The following RB1 variants were observed in gnomAD, a reference collection of about 807,000 sequenced individuals.
RB1 encodes the protein RB transcriptional corepressor 1, also known as retinoblastoma-associated protein.
RB1 carries 18 observed loss-of-function variants against 135.4 expected under a neutral mutation model. That is an observed-to-expected ratio of 0.13 (90% confidence interval 0.09 to 0.20). The LOEUF is 0.20. Among genes scored for constraint, RB1 ranks in the 10% least tolerant of loss-of-function variants. The pLI is 1.00. For missense variants in RB1, 868 were observed against 1,110.0 expected (o/e 0.78, Z 3.10); for synonymous variants, 365 against 373.2 (o/e 0.98, Z 0.25).
At chr13:48,389,306 G>A (rs1948594495) in intron 17 of RB1, among the ~76,000 whole-genome samples, 1 of 152,050 alleles carries the variant, frequency 6.6e-6, no homozygotes, top group Admixed American at 6.6e-5. Context: ...GAAGTCACTG[G>A]TGACAGTGAC....
At chr13:48,472,705 T>C (rs2138353638) in intron 23 of RB1, among the ~76,000 whole-genome samples, 1 of 152,246 alleles carries the variant, frequency 6.6e-6, no homozygotes, top group African/African-American at 2.4e-5. Flanking sequence ...TTAGGTACTC[T>C]GGTTAATCAA....
intron 26 of RB1, among the ~76,000 whole-genome samples, chr13:48,479,487 A>G (rs951809070): frequency 1.3e-5 from 2 of 152,222 alleles, no homozygotes; most frequent in Admixed American, 1.3e-4. Context: ...GGGTACATAA[A>G]GTAGAAGTTC....
At chr13:48,393,057 A>T in intron 17 of RB1, among the ~76,000 whole-genome samples, 1 of 152,268 alleles carries the variant, frequency 6.6e-6, no homozygotes, top group East Asian at 1.9e-4. Flanking sequence ...TCTACTGAAT[A>T]TCCCATATAT....
intron 17 of RB1, among the ~76,000 whole-genome samples, chr13:48,388,048 A>G (rs1218676693): frequency 6.6e-6 from 1 of 152,134 alleles, no homozygotes; most frequent in Non-Finnish European, 1.5e-5. Flanking sequence ...TTCTTCCCTC[A>G]TTTAGTCTTA....
rs939671516 is a variant in RB1 at position 48,319,588 on chromosome 13, G to A, written c.264+12182G>A. 4.1e-6 allele frequency: 1 copy of A among 244,750 alleles called. No individual in the cohort carries two copies. Among genetic ancestry groups the A allele is most frequent in the East Asian group, 1.1e-4 (1 of 9,280 alleles). 15.2% of individuals were successfully genotyped at this position (244,750 alleles called of 1,614,324 possible). ...ACCCTGGACTTGAGGCTTCTGGGCT[G>A]CACGTTCGTCTTTGCTAACCGGGGA... On this transcript the variant is annotated intron_variant, in intron 2 of 26. Transcript: ENST00000267163. The surrounding 1 kb of genome is among the most constrained non-coding windows in gnomAD (Gnocchi z 5.0).
At position 48,404,679 on chromosome 13, in the gene RB1, A is replaced by G. The variant is rs77704300; in HGVS notation, c.1695+23236A>G. ...GTAGCTGGGATTACAGGCACGAGAC[A>G]ACGCGCCCAGATAATTTTTGTATTT... On this transcript the variant is annotated intron_variant, in intron 17 of 26. Coordinates refer to ENST00000267163, the MANE Select transcript of RB1 (RefSeq NM_000321.3). 3.2e-4 allele frequency among the ~76,000 whole-genome samples: 48 copies of G among 152,184 alleles called. No individual in the cohort carries two copies. In the East Asian group the frequency reaches 9.3e-3, roughly 30 times the overall value.
At chr13:48,325,710 G>A (rs1452933260) in intron 2 of RB1, among the ~76,000 whole-genome samples, 2 of 151,256 alleles carry the variant, frequency 1.3e-5, no homozygotes, top group African/African-American at 4.9e-5. Context: ...TATTTTTTGG[G>A]TATATCATAA....
At chr13:48,461,622 G>A (rs913877755) in intron 20 of RB1, among the ~76,000 whole-genome samples, 11 of 151,770 alleles carry the variant, frequency 7.2e-5, no homozygotes, top group Non-Finnish European at 1.6e-4. Flanking sequence ...TAATGTATGA[G>A]GTTCTAATTT....
chr13:48,424,563 T>C (rs1044125628), intron 17 of RB1, among the ~76,000 whole-genome samples: 5 of 151,714 alleles, frequency 3.3e-5, no homozygotes, highest in African/African-American at 1.2e-4. Flanking sequence ...AATAAGCATA[T>C]TTATCTGTGC....
Position 48,379,724 on chromosome 13 carries a change from G to A in RB1, c.1389+74G>A, listed in dbSNP as rs1191884650. The A allele has an allele frequency of 3.3e-6, 5 of 1,524,946 alleles. No homozygotes were observed. In the South Asian group the frequency reaches 4.7e-5, roughly 14 times the overall value. The allele number at this position is 1,524,946 out of a possible 1,614,324, so 94.5% of individuals were successfully genotyped here. ...CGCCTGCAATCCCAGCACTTTGGGA[G>A]GCCGAGGTGGGCAGATCAGGAGGTC... On this transcript the variant is annotated intron_variant, in intron 14 of 26. Coordinates refer to ENST00000267163, the MANE Select transcript of RB1 (RefSeq NM_000321.3).
At chr13:48,380,362 C>A in intron 16 of RB1, 121 bp downstream of exon 16, 1 of 740,752 alleles carries the variant, frequency 1.3e-6, no homozygotes, top group Non-Finnish European at 2.3e-6. Context: ...TATTTTAGAT[C>A]ACTATATACT....
rs1593411778 is a variant in RB1, at chr13:48,303,841, C to T, written c.-72C>T. The T allele has an allele frequency of 2.7e-6, 4 of 1,494,418 alleles. No homozygotes were observed. The highest frequency in any genetic ancestry group is 5.6e-5 in the East Asian group (2 of 35,412). The allele number at this position is 1,494,418 out of a possible 1,614,324, so 92.6% of individuals were successfully genotyped here. ...GGAGTCGGGAGAGGACGGGGCGTGC[C>T]CCGACGTGCGCGCGCGTCGTCCTCC... On this transcript the variant is annotated 5_prime_UTR_variant, in exon 1 of 27. Coordinates refer to ENST00000267163, the MANE Select transcript of RB1 (RefSeq NM_000321.3).
chr13:48,336,811 G>A (rs1593430964), intron 2 of RB1, among the ~76,000 whole-genome samples: 1 of 151,862 alleles, frequency 6.6e-6, no homozygotes, highest in African/African-American at 2.4e-5. Flanking sequence ...TTTCTCTTGT[G>A]GGCATTTAGT....
rs899795820 is a variant in RB1, at chr13:48,321,190, G to A, written c.264+13784G>A. 5.3e-5 allele frequency among the ~76,000 whole-genome samples: 8 copies of A among 152,090 alleles called. No individual in the cohort carries two copies. The South Asian group carries it at 6.2e-4, about 12-fold the overall frequency. ...CATCCGGGGGGAGGCGGCGGGCCCG[G>A]GTCTCTGGGGCTGGCCCATTTACTT... On this transcript the variant is annotated intron_variant, in intron 2 of 26. Transcript: ENST00000267163.
intron 9 of RB1, among the ~76,000 whole-genome samples, chr13:48,366,743 G>A (rs1952703519): frequency 2.6e-5 from 4 of 152,190 alleles, no homozygotes; most frequent in Admixed American, 2.6e-4. Flanking sequence ...GAACCAAAGG[G>A]TTTAGAAAAC....
At chr13:48,411,327 GA>G in intron 17 of RB1, 1 of 1,341,340 alleles carries the variant, frequency 7.5e-7, no homozygotes, top group South Asian at 1.2e-5. Context: ...TGTCCAAAAA[GA>G]CACTTTTCAC....
intron 17 of RB1, among the ~76,000 whole-genome samples, chr13:48,413,963 T>C (rs1948862993): frequency 6.6e-6 from 1 of 152,208 alleles, no homozygotes; most frequent in African/African-American, 2.4e-5. Flanking sequence ...AACCCCTTAA[T>C]ATGACATTAA....
rs1952071180 is a variant in RB1, at chr13:48,305,225, G to A, written c.137+1176G>A. On this transcript the variant is annotated intron_variant, in intron 1 of 26. Transcript: ENST00000267163. ...CACCCTCACCCATTTCTTTCCACTC[G>A]GTATACACTAACAATTCACGGCAGA... 3.3e-5 allele frequency among the ~76,000 whole-genome samples: 5 copies of A among 152,012 alleles called. No homozygotes were observed. The South Asian group carries it at 1.0e-3, about 32-fold the overall frequency.
At chr13:48,398,744 C>T (rs76606218) in intron 17 of RB1, among the ~76,000 whole-genome samples, 1,918 of 152,064 alleles carry the variant, frequency 0.013, 44 homozygotes, top group African/African-American at 0.044. Context: ...GTTTTTACTA[C>T]CTCTATAATA....
Sources: allele counts gnomAD v4.1 joint callset (sites outside exome capture counted in the v4.1 genomes callset), GRCh38; gene constraint gnomAD v4.1.1; non-coding constraint Gnocchi (gnomAD v3.1); transcripts MANE v1.5; gene names NCBI Gene and HGNC (gene_info 2026-07-23, HGNC 2026-07-21).